FER: variants seen among roughly 807,000 people sequenced by gnomAD.
The protein encoded by FER is FER tyrosine kinase, also known as tyrosine-protein kinase Fer.
Under a neutral mutation model 111.0 loss-of-function variants are expected in FER, and 63 were observed. The ratio of observed to expected loss-of-function variants is 0.57; its 90% CI spans 0.46 to 0.70. FER has a LOEUF of 0.70. Among genes scored for constraint, FER ranks in the 30% least tolerant of loss-of-function variants. The probability of loss-of-function intolerance (pLI) is 0.00; values close to 1 mark genes in which losing one functional copy is unlikely to be tolerated. For synonymous variants in FER, 327 were observed against 313.9 expected, an observed-to-expected ratio of 1.04 and a Z score of -0.44; for missense variants, 914 against 954.0, an observed-to-expected ratio of 0.96 and a Z score of 0.55.
chr5:109,014,140 G>C (rs1287337537), intron 13 of FER, among the ~76,000 whole-genome samples: 1 of 151,212 alleles, frequency 6.6e-6, no homozygotes, highest in Non-Finnish European at 1.5e-5. Context: ...TGGTGTTTTA[G>C]ACATGAAGTC....
At chr5:108,755,284 C>T (rs533686321) in intron 1 of FER, among the ~76,000 whole-genome samples, 3 of 152,274 alleles carry the variant, frequency 2.0e-5, no homozygotes, top group South Asian at 2.1e-4. Context: ...AGTCCTTGGT[C>T]GCTGTAATGC....
Position 108,907,539 on chromosome 5 carries a change from C to T in FER, c.1236+9691C>T, listed in dbSNP as rs1051340821. Among the ~76,000 whole-genome samples, 4 of 151,774 alleles carry T rather than the reference C, an allele frequency of 2.6e-5. No homozygotes were observed. The South Asian group carries it at 6.3e-4, about 24-fold the overall frequency. Reference sequence around the variant, plus strand: ...TGAGCTCCTGACTTAGGGATCCACCCGCCTCGGCCTCCCAAAGTGCTGGGA... The same window carrying T: ...TGAGCTCCTGACTTAGGGATCCACCTGCCTCGGCCTCCCAAAGTGCTGGGA... On this transcript the variant is annotated intron_variant, in intron 10 of 19. Coordinates refer to ENST00000281092, the MANE Select transcript of FER (RefSeq NM_005246.4).
chr5:109,186,626 G>A (rs1245276344), intron 19 of FER, among the ~76,000 whole-genome samples: 1 of 152,120 alleles, frequency 6.6e-6, no homozygotes, highest in Non-Finnish European at 1.5e-5. Context: ...TCAAACTCTT[G>A]TATTCTATGC....
intron 17 of FER, among the ~76,000 whole-genome samples, chr5:109,168,947 C>T (rs1756823183): frequency 6.6e-6 from 1 of 152,164 alleles, no homozygotes; most frequent in South Asian, 2.1e-4. Flanking sequence ...ATTTTGTCCA[C>T]CTGGAGTCTT....
chr5:108,854,462 G>T (rs547708541), intron 5 of FER, among the ~76,000 whole-genome samples: 2 of 152,282 alleles, frequency 1.3e-5, no homozygotes, highest in South Asian at 4.1e-4. Context: ...GCCTAACTTT[G>T]TTCAACCTCA....
chr5:109,186,571 G>T (rs1758892164), intron 19 of FER, among the ~76,000 whole-genome samples: 1 of 152,172 alleles, frequency 6.6e-6, no homozygotes, highest in Middle Eastern at 3.2e-3. Flanking sequence ...GACAGCTGCA[G>T]GATTGTGCTG....
intron 2 of FER, among the ~76,000 whole-genome samples, chr5:108,768,827 A>G (rs1434444990): frequency 1.6e-4 from 22 of 139,732 alleles, no homozygotes; most frequent in Admixed American, 9.1e-4. Context: ...ATTATAATAC[A>G]ATTTTTTTTT....
intron 13 of FER, among the ~76,000 whole-genome samples, chr5:109,003,742 G>A (rs984771001): frequency 6.6e-5 from 10 of 152,132 alleles, no homozygotes; most frequent in Non-Finnish European, 1.0e-4. Context: ...CACTTTGGGA[G>A]CTAGAGGTGG....
At chr5:108,819,810 A>G in intron 3 of FER, 1 of 985,272 alleles carries the variant, frequency 1.0e-6, no homozygotes, top group Non-Finnish European at 1.2e-6. Context: ...AGATTAGTTT[A>G]TACCTTCTGG....
chr5:109,014,137 T>C (rs1267912813), intron 13 of FER, among the ~76,000 whole-genome samples: 68 of 151,560 alleles, frequency 4.5e-4, no homozygotes, highest in African/African-American at 1.5e-3. Context: ...TTTTGGTGTT[T>C]TAGACATGAA....
intron 16 of FER, among the ~76,000 whole-genome samples, chr5:109,070,018 A>T (rs987488658): frequency 6.6e-6 from 1 of 152,146 alleles, no homozygotes; most frequent in Non-Finnish European, 1.5e-5. Flanking sequence ...AGCAATCTTA[A>T]ACGTTGAGAT....
chr5:109,063,699 T>A (rs370604713), intron 16 of FER, among the ~76,000 whole-genome samples: 27 of 152,344 alleles, frequency 1.8e-4, no homozygotes, highest in African/African-American at 6.3e-4. Context: ...GTGGCTGAAT[T>A]TTTTAACGTT....
rs752984074 is a variant in FER at position 108,897,832 on chromosome 5, G to C, written c.1220G>C (p.Arg407Pro). 6.2e-7 allele frequency: 1 copy of C among 1,611,142 alleles called. No individual in the cohort carries two copies. Among genetic ancestry groups the C allele is most frequent in the South Asian group, 1.1e-5 (1 of 90,592 alleles). The change falls in exon 10 of 20, where the codon CGA becomes CCA. Residue 407 changes from arginine (R) to proline (P), a missense_variant. By Grantham distance (103) the Arg-to-Pro change is moderately radical. Around this residue, in one of 3 missense-constraint regions of FER, gnomAD observed 774 missense variants for 782.6 expected, o/e 0.99. Coordinates refer to ENST00000281092, the MANE Select transcript of FER (RefSeq NM_005246.4). ...GTAGTAAATTATGAAGAAGATGCAC[G>C]ATCAGTTACATCTATGGTAAGCTAA... is the stretch of plus-strand genomic sequence containing the variant. ...PPVVNYEEDA[R>P]SVTSMERKER... is the part of the protein sequence containing the mutation.
intron 5 of FER, among the ~76,000 whole-genome samples, chr5:108,856,981 C>G (rs1325418505): frequency 6.6e-6 from 1 of 152,036 alleles, no homozygotes; most frequent in Non-Finnish European, 1.5e-5. Flanking sequence ...AAATTTTGAT[C>G]CAATTTTCAC....
At chr5:108,925,042 C>A (rs1026085022) in intron 10 of FER, among the ~76,000 whole-genome samples, 2 of 151,850 alleles carry the variant, frequency 1.3e-5, no homozygotes, top group African/African-American at 4.8e-5. Context: ...TAATTCACCT[C>A]TCAGTTTTGA....
intron 3 of FER, among the ~76,000 whole-genome samples, chr5:108,823,901 T>C (rs1381643874): frequency 2.0e-5 from 3 of 152,166 alleles, no homozygotes; most frequent in East Asian, 3.8e-4. Context: ...AGGAGTTTTA[T>C]GGATTCAGGT....
At chr5:109,059,001 A>T (rs1249890936) in intron 16 of FER, among the ~76,000 whole-genome samples, 1 of 151,678 alleles carries the variant, frequency 6.6e-6, no homozygotes, top group African/African-American at 2.4e-5. Context: ...CAGCCTCCCT[A>T]AGTGGTGGGA....
intron 13 of FER, among the ~76,000 whole-genome samples, chr5:109,001,054 C>T (rs1208821486): frequency 6.6e-6 from 1 of 152,166 alleles, no homozygotes; most frequent in Non-Finnish European, 1.5e-5. Flanking sequence ...GATGGATTCA[C>T]AGCTGAATTC....
intron 5 of FER, among the ~76,000 whole-genome samples, chr5:108,845,008 A>ATGTGTGTATATATATG (rs1761775657): frequency 4.0e-5 from 1 of 24,706 alleles, no homozygotes; most frequent in Admixed American, 4.8e-4. Flanking sequence ...ATATATATAT[A>ATGTGTGTATATATATG]TATATATATA....
Sources: allele counts gnomAD v4.1 joint callset (sites outside exome capture counted in the v4.1 genomes callset), GRCh38; gene constraint gnomAD v4.1.1; regional missense constraint gnomAD v4.1.1; transcripts MANE v1.5; gene names NCBI Gene and HGNC (gene_info 2026-07-23, HGNC 2026-07-21).